ACVR1: variants seen among roughly 807,000 people sequenced by gnomAD.
The protein encoded by ACVR1 is activin A receptor type 1.
In ACVR1, 38 loss-of-function variants were observed where a neutral mutation model predicts 57.1. The observed-to-expected ratio is 0.67, with a 90% CI of 0.51 to 0.87. The LOEUF (loss-of-function observed/expected upper bound fraction) is 0.87, where lower values mean the gene tolerates loss of function less well. Among genes scored for constraint, ACVR1 ranks in the 40% least tolerant of loss-of-function variants. ACVR1 has a pLI of 0.00. For missense variants in ACVR1, 463 were observed against 638.2 expected (o/e 0.73, Z 2.96); for synonymous variants, 212 against 228.1 (o/e 0.93, Z 0.63).
chr2:157,859,962 C>T (rs533893073), intron 1 of ACVR1: 21 of 151,718 alleles, frequency 1.4e-4, no homozygotes, highest in African/African-American at 5.1e-4. Flanking sequence ...TTTGAACAAA[C>T]TTTCATGACG....
intron 1 of ACVR1, among the ~76,000 whole-genome samples, chr2:157,834,834 G>A (rs960882534): frequency 2.6e-5 from 4 of 152,066 alleles, no homozygotes; most frequent in African/African-American, 9.7e-5. Context: ...CTCGTGGGAT[G>A]AGTGCCCCTG....
At chr2:157,767,441 G>C (rs1030766120) in intron 7 of ACVR1, among the ~76,000 whole-genome samples, 15 of 152,098 alleles carry the variant, frequency 9.9e-5, no homozygotes, top group Non-Finnish European at 1.9e-4. Flanking sequence ...ACGTGTGCTT[G>C]CCTTTTCTGC....
intron 1 of ACVR1, among the ~76,000 whole-genome samples, chr2:157,852,862 A>G (rs1284851224): frequency 1.3e-5 from 2 of 152,198 alleles, no homozygotes; most frequent in Non-Finnish European, 2.9e-5. Flanking sequence ...AGGTACTGAG[A>G]GTTCAGCTGT....
At chr2:157,741,133 G>T (rs763588900) in intron 9 of ACVR1, among the ~76,000 whole-genome samples, 3 of 152,112 alleles carry the variant, frequency 2.0e-5, no homozygotes, top group Non-Finnish European at 2.9e-5. Flanking sequence ...GGAAGAGCAG[G>T]ACAAGTCTCT....
intron 8 of ACVR1, among the ~76,000 whole-genome samples, chr2:157,763,904 T>A (rs1574034863): frequency 6.6e-6 from 1 of 152,146 alleles, no homozygotes. Flanking sequence ...TACAAACCCA[T>A]ATATCTAATT....
At chr2:157,765,833 T>A (rs1685841891) in intron 8 of ACVR1, 88 bp downstream of exon 8, 1 of 1,388,240 alleles carries the variant, frequency 7.2e-7, no homozygotes, top group Non-Finnish European at 1.0e-6. Flanking sequence ...AAATTTTGCA[T>A]AACATGTTGT....
chr2:157,751,618 G>A (rs1420031310), intron 9 of ACVR1, among the ~76,000 whole-genome samples: 2 of 152,216 alleles, frequency 1.3e-5, no homozygotes, highest in African/African-American at 4.8e-5. Flanking sequence ...GGGGTGGGGA[G>A]CACAGTGGGA....
intron 1 of ACVR1, among the ~76,000 whole-genome samples, chr2:157,849,495 C>T (rs1420221743): frequency 1.3e-5 from 2 of 152,008 alleles, no homozygotes; most frequent in African/African-American, 2.4e-5. Flanking sequence ...CAGAAAATAT[C>T]CAAACACTAG....
chr2:157,741,630 GAAAAAAA>G (rs371686542), intron 9 of ACVR1, among the ~76,000 whole-genome samples: 9 of 103,056 alleles, frequency 8.7e-5, no homozygotes, highest in East Asian at 5.4e-4. Context: ...TCTCCAAAAA[GAAAAAAA>G]AAAAAGAAAA....
In ACVR1 at chr2:157,824,698, C is replaced by A. The variant is rs538438122; in HGVS notation, c.-182-6139G>T. On this transcript the variant is annotated intron_variant, in intron 1 of 10. Transcript: ENST00000434821. Reference sequence around the variant, plus strand: ...TGACTTCAGAGAAGATCAGATTCCACAAAAGACAGACACACATGCACTCCT... The same window carrying A: ...TGACTTCAGAGAAGATCAGATTCCAAAAAAGACAGACACACATGCACTCCT... Among the ~76,000 whole-genome samples the A allele has an allele frequency of 1.7e-3, 256 of 152,166 alleles. 1 individual carries two copies. Among genetic ancestry groups the A allele is most frequent in the African/African-American group, 6.0e-3 (247 of 41,512 alleles).
At chr2:157,813,472 C>T (rs989158454) in intron 2 of ACVR1, among the ~76,000 whole-genome samples, 7 of 152,184 alleles carry the variant, frequency 4.6e-5, no homozygotes, top group Admixed American at 2.6e-4. Context: ...GTCTGCATTG[C>T]GGCTAGATGT....
intron 5 of ACVR1, among the ~76,000 whole-genome samples, chr2:157,774,422 T>C (rs1327644502): frequency 1.3e-5 from 2 of 152,230 alleles, no homozygotes; most frequent in Non-Finnish European, 2.9e-5. Flanking sequence ...TGCAGTTCAA[T>C]GGCGCAATCT....
At chr2:157,823,135 T>C (rs1035213189) in intron 1 of ACVR1, among the ~76,000 whole-genome samples, 3 of 152,186 alleles carry the variant, frequency 2.0e-5, no homozygotes, top group African/African-American at 7.2e-5. Context: ...TCCCACATGC[T>C]CCTATCCTGC....
intron 2 of ACVR1, among the ~76,000 whole-genome samples, chr2:157,818,046 C>T (rs1300075486): frequency 6.6e-6 from 1 of 151,582 alleles, no homozygotes; most frequent in East Asian, 1.9e-4. Flanking sequence ...ATGTAGTGGC[C>T]CTGTAAGGTG....
At chr2:157,762,671 A>G (rs1685706033) in intron 8 of ACVR1, among the ~76,000 whole-genome samples, 1 of 152,224 alleles carries the variant, frequency 6.6e-6, no homozygotes, top group African/African-American at 2.4e-5. Context: ...ATGCTGGACT[A>G]TTGAATAGAC....
chr2:157,839,110 CAG>C (rs955547045), intron 1 of ACVR1, among the ~76,000 whole-genome samples: 8 of 151,656 alleles, frequency 5.3e-5, no homozygotes, highest in African/African-American at 1.4e-4. Context: ...TTCAGCAAAA[CAG>C]GGGAAAATCA....
intron 9 of ACVR1, among the ~76,000 whole-genome samples, chr2:157,745,763 T>C (rs754838409): frequency 2.4e-4 from 36 of 152,200 alleles, no homozygotes; most frequent in Non-Finnish European, 4.3e-4. Flanking sequence ...AAGTAGGTAA[T>C]TAACGTCATG....
intron 1 of ACVR1, among the ~76,000 whole-genome samples, chr2:157,834,538 A>C (rs1284716638): frequency 1.3e-5 from 2 of 152,138 alleles, no homozygotes; most frequent in Non-Finnish European, 2.9e-5. Context: ...TATTGTATGA[A>C]TACATCAGAC....
At chr2:157,844,899 G>T (rs1689083278) in intron 1 of ACVR1, among the ~76,000 whole-genome samples, 1 of 152,136 alleles carries the variant, frequency 6.6e-6, no homozygotes, top group African/African-American at 2.4e-5. Flanking sequence ...CAGCAAGAAG[G>T]TGCCATCTTT....
Sources: gnomAD v4.1 joint callset for allele counts (sites outside exome capture counted in the v4.1 genomes callset) on GRCh38, gnomAD v4.1.1 for gene constraint, MANE v1.5 for transcripts, NCBI Gene and HGNC (gene_info 2026-07-23, HGNC 2026-07-21) for gene names.